DACH1: variants seen among roughly 807,000 people sequenced by gnomAD.
The protein encoded by DACH1 is dachshund homolog 1.
In DACH1, 12 loss-of-function variants were observed where a neutral mutation model predicts 54.2. The ratio of observed to expected loss-of-function variants is 0.22; its 90% CI spans 0.14 to 0.36. The LOEUF is 0.36. Among genes scored for constraint, DACH1 ranks in the 10% least tolerant of loss-of-function variants. The pLI, the probability that DACH1 is intolerant of heterozygous loss-of-function variation, is 1.00. For synonymous variants in DACH1, 386 were observed against 366.2 expected, an observed-to-expected ratio of 1.05 and a Z score of -0.62; for missense variants, 805 against 929.8, an observed-to-expected ratio of 0.87 and a Z score of 1.75.
intron 1 of DACH1, among the ~76,000 whole-genome samples, chr13:71,722,030 T>A (rs891864051): frequency 2.0e-5 from 3 of 152,196 alleles, no homozygotes; most frequent in Non-Finnish European, 4.4e-5. Flanking sequence ...TACTCCAGTA[T>A]ATGAATCATC....
At chr13:71,767,594 T>G (rs1885693351) in intron 1 of DACH1, among the ~76,000 whole-genome samples, 1 of 150,494 alleles carries the variant, frequency 6.6e-6, no homozygotes, top group Admixed American at 6.6e-5. Flanking sequence ...CCCCCAAGAC[T>G]CCAAATTTAT....
chr13:71,522,630 C>T (rs1424770149), intron 6 of DACH1, among the ~76,000 whole-genome samples: 1 of 152,002 alleles, frequency 6.6e-6, no homozygotes, highest in East Asian at 1.9e-4. Flanking sequence ...ACAGATTTCA[C>T]TATAATCTCT....
intron 1 of DACH1, among the ~76,000 whole-genome samples, chr13:71,770,852 G>C (rs1390099433): frequency 6.6e-6 from 1 of 151,476 alleles, no homozygotes; most frequent in Non-Finnish European, 1.5e-5. Flanking sequence ...TCCCTCCAGT[G>C]CAATACTGAT....
At chr13:71,774,201 T>C (rs1354087404) in intron 1 of DACH1, among the ~76,000 whole-genome samples, 1 of 152,136 alleles carries the variant, frequency 6.6e-6, no homozygotes, top group Non-Finnish European at 1.5e-5. Flanking sequence ...CTAGAATGCA[T>C]ACACCTAAAG....
intron 3 of DACH1, among the ~76,000 whole-genome samples, chr13:71,600,030 C>A (rs890484481): frequency 6.6e-6 from 1 of 152,004 alleles, no homozygotes; most frequent in African/African-American, 2.4e-5. Flanking sequence ...AATCATATGG[C>A]AATATCTGAA....
chr13:71,601,636 T>A (rs1162951927), intron 3 of DACH1, among the ~76,000 whole-genome samples: 1 of 152,028 alleles, frequency 6.6e-6, no homozygotes, highest in East Asian at 1.9e-4. Flanking sequence ...CAAAAACTTA[T>A]ACTTTGTTTT....
At chr13:71,547,213 T>C (rs1883520014) in intron 6 of DACH1, among the ~76,000 whole-genome samples, 1 of 152,114 alleles carries the variant, frequency 6.6e-6, no homozygotes, top group African/African-American at 2.4e-5. Context: ...AATTGCTAAC[T>C]AATTTAGTTG....
intron 6 of DACH1, among the ~76,000 whole-genome samples, chr13:71,491,980 C>CATTG (rs1471659458): frequency 2.0e-5 from 3 of 152,102 alleles, no homozygotes; most frequent in Non-Finnish European, 4.4e-5. Context: ...ACCTTATTCT[C>CATTG]ATTGATATAT....
intron 1 of DACH1, among the ~76,000 whole-genome samples, chr13:71,844,577 T>C (rs759018953): frequency 1.3e-5 from 2 of 152,184 alleles, no homozygotes; most frequent in Non-Finnish European, 2.9e-5. Context: ...CATTTATACA[T>C]GATCTTTTGT....
intron 1 of DACH1, among the ~76,000 whole-genome samples, chr13:71,744,305 A>G (rs1288029072): frequency 6.6e-6 from 1 of 152,232 alleles, no homozygotes; most frequent in Non-Finnish European, 1.5e-5. Context: ...GTCCCAGATA[A>G]GGCACTTAGA....
intron 2 of DACH1, among the ~76,000 whole-genome samples, chr13:71,648,925 C>T (rs1878487369): frequency 6.6e-6 from 1 of 152,116 alleles, no homozygotes; most frequent in Non-Finnish European, 1.5e-5. Context: ...AGGGTCAAGG[C>T]CATGGCAATA....
At chr13:71,596,840 T>G (rs1874132575) in intron 3 of DACH1, among the ~76,000 whole-genome samples, 1 of 152,156 alleles carries the variant, frequency 6.6e-6, no homozygotes, top group African/African-American at 2.4e-5. Flanking sequence ...AAATCCTATA[T>G]TCAAAATTTG....
At chr13:71,536,377 C>G (rs908898599) in intron 6 of DACH1, among the ~76,000 whole-genome samples, 5 of 152,024 alleles carry the variant, frequency 3.3e-5, no homozygotes, top group Admixed American at 6.6e-5. Context: ...AATCTCATAT[C>G]TAGTGAAAGT....
intron 3 of DACH1, among the ~76,000 whole-genome samples, chr13:71,587,276 T>G (rs905177343): frequency 5.3e-5 from 8 of 152,094 alleles, no homozygotes; most frequent in Non-Finnish European, 1.0e-4. Context: ...ACTATATTAC[T>G]TTGCAAAATG....
intron 2 of DACH1, among the ~76,000 whole-genome samples, chr13:71,630,983 T>C (rs1877058709): frequency 1.3e-5 from 2 of 152,190 alleles, no homozygotes; most frequent in Non-Finnish European, 2.9e-5. Context: ...GCGACAGTTA[T>C]CTCTTAAAGA....
chr13:71,838,710 T>A (rs948168977), intron 1 of DACH1, among the ~76,000 whole-genome samples: 3 of 152,192 alleles, frequency 2.0e-5, no homozygotes, highest in African/African-American at 7.2e-5. Flanking sequence ...CTCAATGGTA[T>A]CATGATTTTC....
At chr13:71,695,444 G>C (rs773505230) in intron 1 of DACH1, among the ~76,000 whole-genome samples, 1 of 152,130 alleles carries the variant, frequency 6.6e-6, no homozygotes, top group Non-Finnish European at 1.5e-5. Flanking sequence ...ACTTTAGAAA[G>C]AGAAAGGAAA....
At chr13:71,618,455 G>C (rs1278730349) in intron 3 of DACH1, among the ~76,000 whole-genome samples, 3 of 152,006 alleles carry the variant, frequency 2.0e-5, no homozygotes, top group African/African-American at 7.2e-5. Flanking sequence ...AGAAGTTAAA[G>C]TCTTTCAATG....
At chr13:71,478,079 A>G (rs1252716023) in intron 8 of DACH1, among the ~76,000 whole-genome samples, 2 of 152,234 alleles carry the variant, frequency 1.3e-5, no homozygotes, top group Non-Finnish European at 2.9e-5. Flanking sequence ...AAAGGACTAA[A>G]CAAAATTAAG....
Sources: gnomAD v4.1 joint callset for allele counts (sites outside exome capture counted in the v4.1 genomes callset) on GRCh38, gnomAD v4.1.1 for gene constraint, MANE v1.5 for transcripts, NCBI Gene and HGNC (gene_info 2026-07-23, HGNC 2026-07-21) for gene names.